Variants in KAZN observed in about 807,000 individuals in gnomAD.
KAZN encodes kazrin, periplakin interacting protein.
KAZN carries 40 observed loss-of-function variants against 87.4 expected under a neutral mutation model. That is an observed-to-expected ratio of 0.46 (90% CI 0.36 to 0.60). The LOEUF is 0.60. Ranked by LOEUF, KAZN falls within the 20% of genes least tolerant of loss-of-function variation. The pLI is 0.00. For synonymous variants in KAZN, 466 were observed against 458.3 expected, an observed-to-expected ratio of 1.02 and a Z score of -0.22; for missense variants, 898 against 1,073.9, an observed-to-expected ratio of 0.84 and a Z score of 2.29.
chr1:14,358,387 T>C (rs975707123), intron 2 of KAZN, among the ~76,000 whole-genome samples: 5 of 151,914 alleles, frequency 3.3e-5, no homozygotes, highest in Non-Finnish European at 7.4e-5. Context: ...CAGGGATTCA[T>C]TGAGTTTTTA....
chr1:14,481,058 T>G (rs962870991), intron 2 of KAZN, among the ~76,000 whole-genome samples: 1 of 151,906 alleles, frequency 6.6e-6, no homozygotes, highest in Non-Finnish European at 1.5e-5. Context: ...TTTCATTCCC[T>G]AAGCATAGCT....
chr1:14,640,309 A>G (rs1680323790), intron 1 of KAZN, among the ~76,000 whole-genome samples: 2 of 152,166 alleles, frequency 1.3e-5, no homozygotes, highest in South Asian at 4.1e-4. Flanking sequence ...TTGCAGGTGG[A>G]ATAAGCCTCC....
At chr1:14,125,293 A>G (rs541984623) in intron 1 of KAZN, among the ~76,000 whole-genome samples, 62 of 152,130 alleles carry the variant, frequency 4.1e-4, no homozygotes, top group Non-Finnish European at 7.8e-4. Context: ...CCTAGCAAAA[A>G]TGTGTGGCAA....
chr1:13,915,203 C>T (rs1053875261), intron 1 of KAZN, among the ~76,000 whole-genome samples: 2 of 152,154 alleles, frequency 1.3e-5, no homozygotes, highest in African/African-American at 4.8e-5. Flanking sequence ...TGCCTTTCCC[C>T]AGCAGGGAGG....
chr1:14,890,038 G>T (rs544749006), intron 1 of KAZN, among the ~76,000 whole-genome samples: 33 of 152,294 alleles, frequency 2.2e-4, no homozygotes, highest in African/African-American at 7.9e-4. Context: ...CAGAACACAG[G>T]AAGAGTTAGG....
chr1:14,175,599 G>C (rs1646055731), intron 1 of KAZN, among the ~76,000 whole-genome samples: 1 of 152,202 alleles, frequency 6.6e-6, no homozygotes. Context: ...CTGTGTGTGA[G>C]TAGTGTACGC....
intron 2 of KAZN, among the ~76,000 whole-genome samples, chr1:14,442,882 C>T (rs1017890758): frequency 3.9e-5 from 6 of 152,230 alleles, no homozygotes; most frequent in Non-Finnish European, 5.9e-5. Flanking sequence ...CCAAGGTGAG[C>T]TGGCCCCTGC....
chr1:14,121,349 A>G (rs1405114410), intron 1 of KAZN, among the ~76,000 whole-genome samples: 2 of 152,212 alleles, frequency 1.3e-5, no homozygotes, highest in African/African-American at 4.8e-5. Flanking sequence ...ACCAACCTGA[A>G]GTGCAAGGAG....
chr1:13,942,054 A>G (rs1640947085), intron 1 of KAZN, among the ~76,000 whole-genome samples: 1 of 152,166 alleles, frequency 6.6e-6, no homozygotes, highest in Admixed American at 6.5e-5. Context: ...AAGGTCTGCT[A>G]AGGAGGAAGG....
At chr1:14,289,509 CT>C (rs796867828) in intron 2 of KAZN, among the ~76,000 whole-genome samples, 130 of 145,426 alleles carry the variant, frequency 8.9e-4, no homozygotes, top group Middle Eastern at 3.6e-3. Flanking sequence ...GTAACTCTGC[CT>C]TTTTTTTTTT....
At chr1:14,334,011 C>A (rs2100880090) in intron 2 of KAZN, among the ~76,000 whole-genome samples, 1 of 151,338 alleles carries the variant, frequency 6.6e-6, no homozygotes, top group East Asian at 2.0e-4. Flanking sequence ...GGGAAATCAG[C>A]CAGGTCATAA....
upstream of KAZN, among the ~76,000 whole-genome samples, chr1:14,596,695 G>A (rs942904515): frequency 1.3e-5 from 2 of 152,156 alleles, no homozygotes; most frequent in Non-Finnish European, 2.9e-5. Flanking sequence ...AAATTGAATC[G>A]TATAATATGT....
At chr1:14,867,329 G>A (rs1651580175) in intron 1 of KAZN, among the ~76,000 whole-genome samples, 1 of 152,212 alleles carries the variant, frequency 6.6e-6, no homozygotes, top group African/African-American at 2.4e-5. Flanking sequence ...AGTGGGCTGA[G>A]AGAGAAGCAG....
Position 14,533,198 on chromosome 1 carries a change from G to C in KAZN, c.250-65785G>C, listed in dbSNP as rs16850425. 5.0e-3 allele frequency among the ~76,000 whole-genome samples: 762 copies of C among 152,230 alleles called. 7 individuals carry two copies. Among genetic ancestry groups the C allele is most frequent in the African/African-American group, 0.017 (723 of 41,538 alleles). On this transcript the variant is annotated intron_variant, in intron 2 of 16. Coordinates refer to the KAZN transcript ENST00000636203. ...TCCTTAATAATACAAAAATTGCCCA[G>C]AGCATTTCACACTGAGTTATGAAGT...
At chr1:14,368,274 G>A (rs142329247) in intron 2 of KAZN, among the ~76,000 whole-genome samples, 427 of 152,266 alleles carry the variant, frequency 2.8e-3, no homozygotes, top group Middle Eastern at 6.8e-3. Flanking sequence ...GTTGTCTTTG[G>A]AAGGCAGCAG....
intron 1 of KAZN, among the ~76,000 whole-genome samples, chr1:14,816,645 A>G (rs893517968): frequency 1.3e-5 from 2 of 152,232 alleles, no homozygotes; most frequent in African/African-American, 4.8e-5. Context: ...AGATATAGAT[A>G]CAGATAGATC....
upstream of KAZN, among the ~76,000 whole-genome samples, chr1:14,597,757 T>G (rs1676601864): frequency 6.6e-6 from 1 of 152,096 alleles, no homozygotes. Context: ...TGTTTTAAAT[T>G]GTCCTATTTG....
chr1:14,347,729 G>C (rs1255425373), intron 2 of KAZN, among the ~76,000 whole-genome samples: 2 of 152,040 alleles, frequency 1.3e-5, no homozygotes, highest in Non-Finnish European at 2.9e-5. Flanking sequence ...CCTAGACTAT[G>C]TAAAGGGTGT....
intron 3 of KAZN, among the ~76,000 whole-genome samples, chr1:15,042,196 C>T (rs1573153793): frequency 1.3e-5 from 2 of 152,174 alleles, no homozygotes; most frequent in East Asian, 3.9e-4. Context: ...GGGGCTTCCT[C>T]CTAATTCAGG....
Sources: allele counts gnomAD v4.1 joint callset (sites outside exome capture counted in the v4.1 genomes callset), GRCh38; gene constraint gnomAD v4.1.1; transcripts MANE v1.5; gene names NCBI Gene and HGNC (gene_info 2026-07-23, HGNC 2026-07-21).